SORCS1: variants seen among roughly 807,000 people sequenced by gnomAD.
The protein encoded by SORCS1 is VPS10 domain-containing receptor SorCS1.
A neutral mutation model predicts 146.1 loss-of-function variants in SORCS1; 60 were observed. The ratio of observed to expected loss-of-function variants is 0.41; its 90% CI spans 0.33 to 0.51. The LOEUF is 0.51. SORCS1 is among the 20% of genes least tolerant of loss of function. The pLI is 0.21. For missense variants in SORCS1, 1,352 were observed against 1,487.6 expected (o/e 0.91, Z 1.50); for synonymous variants, 637 against 584.0 (o/e 1.09, Z -1.31).
chr10:106,774,389 G>A (rs1055409228), intron 4 of SORCS1, among the ~76,000 whole-genome samples: 14 of 151,702 alleles, frequency 9.2e-5, no homozygotes, highest in African/African-American at 3.1e-4. Flanking sequence ...AAATCAAACA[G>A]CCAAAACAGT....
At chr10:106,583,207 TATC>T (rs1316836801) in intron 24 of SORCS1, among the ~76,000 whole-genome samples, 3 of 152,204 alleles carry the variant, frequency 2.0e-5, no homozygotes, top group Non-Finnish European at 4.4e-5. Flanking sequence ...ATATTATTGC[TATC>T]ATATTTCTGA....
Position 107,008,308 on chromosome 10 carries a change from T to C in SORCS1, c.559-51728A>G, listed in dbSNP as rs532889117. ...CAATGTAATTTATGCAGTACAATTA[T>C]GCAAAGCAGTGTTCAAGCCAAGTCA... On this transcript the variant is annotated intron_variant, in intron 1 of 25. Coordinates refer to ENST00000263054, the MANE Select transcript of SORCS1 (RefSeq NM_052918.5). Among the ~76,000 whole-genome samples the C allele has an allele frequency of 2.6e-4, 40 of 152,350 alleles. No individual in the cohort carries two copies. In the South Asian group the frequency reaches 8.1e-3, roughly 31 times the overall value.
At chr10:106,732,076 C>T (rs1182126131) in intron 5 of SORCS1, among the ~76,000 whole-genome samples, 1 of 152,184 alleles carries the variant, frequency 6.6e-6, no homozygotes, top group Non-Finnish European at 1.5e-5. Flanking sequence ...CTGGCTTAAT[C>T]ACTCTTCATC....
chr10:106,888,292 C>G (rs1168624237), intron 2 of SORCS1, among the ~76,000 whole-genome samples: 1 of 152,282 alleles, frequency 6.6e-6, no homozygotes, highest in Middle Eastern at 3.4e-3. Context: ...TAAGATCAAA[C>G]TGACTGAGGC....
intron 19 of SORCS1, among the ~76,000 whole-genome samples, chr10:106,624,646 C>A (rs1334149075): frequency 6.6e-6 from 1 of 152,138 alleles, no homozygotes; most frequent in African/African-American, 2.4e-5. Flanking sequence ...CAGGCATGAG[C>A]CACCATGCCG....
chr10:107,063,935 G>A (rs568224936), intron 1 of SORCS1, among the ~76,000 whole-genome samples: 1 of 152,262 alleles, frequency 6.6e-6, no homozygotes, highest in Admixed American at 6.5e-5. Context: ...TGTAGAATGG[G>A]AAGAACAGTA....
intron 1 of SORCS1, among the ~76,000 whole-genome samples, chr10:106,961,938 C>T (rs1044425425): frequency 6.6e-6 from 1 of 152,212 alleles, no homozygotes; most frequent in Non-Finnish European, 1.5e-5. Flanking sequence ...CTTTCTTCTA[C>T]CATCAGCTCA....
At chr10:106,733,947 C>A (rs988000149) in intron 5 of SORCS1, among the ~76,000 whole-genome samples, 2 of 152,152 alleles carry the variant, frequency 1.3e-5, no homozygotes, top group South Asian at 2.1e-4. Context: ...AGTGTTCTGT[C>A]TTTTATCACT....
intron 7 of SORCS1, among the ~76,000 whole-genome samples, chr10:106,708,070 A>T (rs1466264734): frequency 6.6e-6 from 1 of 152,196 alleles, no homozygotes; most frequent in Non-Finnish European, 1.5e-5. Context: ...TAAGTCATAG[A>T]TGTGGATCAC....
intron 2 of SORCS1, among the ~76,000 whole-genome samples, chr10:106,917,025 G>A (rs1285505083): frequency 6.6e-6 from 1 of 152,206 alleles, no homozygotes; most frequent in Non-Finnish European, 1.5e-5. Context: ...TTATAGGCGT[G>A]AGCCACCGCA....
intron 6 of SORCS1, among the ~76,000 whole-genome samples, chr10:106,728,539 A>G (rs1856370062): frequency 6.6e-6 from 1 of 152,158 alleles, no homozygotes. Flanking sequence ...CTGTGCCCCA[A>G]CTGACTCTGT....
chr10:106,872,922 C>G lies in SORCS1; in HGVS notation c.627-43249G>C, dbSNP rs143506921. ...AGGTGTGGTGGCTCACACGTGTAAT[C>G]CCAGCACTTTGGGAGTTCGAGGTGG... On this transcript the variant is annotated intron_variant, in intron 2 of 25. Transcript: ENST00000263054. Among the ~76,000 whole-genome samples, 1,400 of 152,158 alleles carry G rather than the reference C, an allele frequency of 9.2e-3. 18 individuals carry two copies. The highest frequency in any genetic ancestry group is 0.032 in the African/African-American group (1,332 of 41,528).
chr10:107,055,847 A>C (rs1014555061), intron 1 of SORCS1, among the ~76,000 whole-genome samples: 3 of 152,240 alleles, frequency 2.0e-5, no homozygotes, highest in Non-Finnish European at 2.9e-5. Flanking sequence ...GTCAGGACAG[A>C]AACGAGGAGA....
At chr10:106,925,516 A>T (rs1952970779) in intron 2 of SORCS1, among the ~76,000 whole-genome samples, 1 of 152,204 alleles carries the variant, frequency 6.6e-6, no homozygotes, top group African/African-American at 2.4e-5. Flanking sequence ...ACTGATATGT[A>T]ACCTCTTCAT....
In SORCS1 at chr10:107,112,970, G is replaced by T. The variant is rs527621158; in HGVS notation, c.558+50999C>A. Among the ~76,000 whole-genome samples, 23 of 152,258 alleles carry T rather than the reference G, an allele frequency of 1.5e-4. No homozygotes were observed. The South Asian group carries it at 4.8e-3, about 32-fold the overall frequency. On this transcript the variant is annotated intron_variant, in intron 1 of 25. Coordinates refer to ENST00000263054, the MANE Select transcript of SORCS1 (RefSeq NM_052918.5). ...ATCATCCAGAGAGAAAATTAATAAA[G>T]AAGCAGTAGGCTTGAACAACACTAT...
chr10:106,699,134 A>G (rs1377426842), intron 9 of SORCS1, 80 bp downstream of exon 9: 11 of 1,294,152 alleles, frequency 8.5e-6, no homozygotes, highest in Non-Finnish European at 1.2e-5. Context: ...TAAAATGACC[A>G]GGAAAAGAGT....
chr10:106,984,507 C>A (rs142226943), intron 1 of SORCS1, among the ~76,000 whole-genome samples: 2,056 of 151,606 alleles, frequency 0.014, 41 homozygotes, highest in African/African-American at 0.046. Context: ...CATTCTCCTG[C>A]CTCAGCCTCC....
chr10:107,114,951 A>G (rs1007265328), intron 1 of SORCS1, among the ~76,000 whole-genome samples: 1 of 152,096 alleles, frequency 6.6e-6, no homozygotes, highest in African/African-American at 2.4e-5. Flanking sequence ...CATTTCTATC[A>G]CCTAACAAAC....
chr10:106,915,963 T>C (rs1952404465), intron 2 of SORCS1, among the ~76,000 whole-genome samples: 1 of 152,180 alleles, frequency 6.6e-6, no homozygotes, highest in South Asian at 2.1e-4. Flanking sequence ...AAAGATTGCT[T>C]GCAATGAAAG....
Sources: gnomAD v4.1 joint callset for allele counts (sites outside exome capture counted in the v4.1 genomes callset) on GRCh38, gnomAD v4.1.1 for gene constraint, MANE v1.5 for transcripts, NCBI Gene and HGNC (gene_info 2026-07-23, HGNC 2026-07-21) for gene names.